Variants in DSCAM observed in about 807,000 individuals in gnomAD.
DSCAM encodes the protein DS cell adhesion molecule, also known as cell adhesion molecule DSCAM.
Under a neutral mutation model 217.7 loss-of-function variants are expected in DSCAM, and 47 were observed. The ratio of observed to expected loss-of-function variants is 0.22; its 90% CI spans 0.17 to 0.28. The LOEUF is 0.28. Among genes scored for constraint, DSCAM ranks in the 10% least tolerant of loss-of-function variants. DSCAM has a pLI of 1.00. For synonymous variants in DSCAM, 1,056 were observed against 1,015.3 expected (o/e 1.04, Z -0.76); for missense variants, 2,080 against 2,618.3 (o/e 0.79, Z 4.49).
At chr21:40,157,452 G>C (rs1309251120) in intron 16 of DSCAM, among the ~76,000 whole-genome samples, 1 of 152,202 alleles carries the variant, frequency 6.6e-6, no homozygotes, top group Admixed American at 6.5e-5. Context: ...TAAGAAAGGA[G>C]CATTGGAGAA....
chr21:40,588,990 G>A (rs1331743325), intron 3 of DSCAM, among the ~76,000 whole-genome samples: 1 of 152,170 alleles, frequency 6.6e-6, no homozygotes, highest in Non-Finnish European at 1.5e-5. Flanking sequence ...AACTGTATGT[G>A]TATGAAAAAA....
intron 10 of DSCAM, among the ~76,000 whole-genome samples, chr21:40,280,919 T>G: frequency 6.6e-6 from 1 of 152,066 alleles, no homozygotes; most frequent in Non-Finnish European, 1.5e-5. Flanking sequence ...GAACTGGGAG[T>G]TGGTCTTCAG....
At chr21:40,152,070 T>A (rs2090428196) in intron 16 of DSCAM, among the ~76,000 whole-genome samples, 1 of 151,568 alleles carries the variant, frequency 6.6e-6, no homozygotes, top group Non-Finnish European at 1.5e-5. Flanking sequence ...TGGTAACCAG[T>A]CATCTTAAGA....
chr21:40,621,940 G>GA (rs5844026), intron 3 of DSCAM, among the ~76,000 whole-genome samples: 126,369 of 140,422 alleles, frequency 0.9, 56,898 homozygotes, highest in East Asian at 0.94. Context: ...AAGGAAGGAA[G>GA]AAAAAAGAAA....
chr21:40,781,179 T>C (rs2091541075), intron 1 of DSCAM, among the ~76,000 whole-genome samples: 2 of 151,976 alleles, frequency 1.3e-5, no homozygotes, highest in African/African-American at 2.4e-5. Context: ...CGGGTAATTT[T>C]TTAACATCTC....
chr21:40,483,635 G>A (rs1457647007), intron 3 of DSCAM, among the ~76,000 whole-genome samples: 1 of 152,044 alleles, frequency 6.6e-6, no homozygotes, highest in African/African-American at 2.4e-5. Flanking sequence ...AATTTCTTAA[G>A]CTGTTTGTTG....
At position 40,078,669 on chromosome 21, in the gene DSCAM, C is replaced by T. The variant is rs1347453464; in HGVS notation, c.4711+18G>A. On this transcript the variant is annotated intron_variant, in intron 26 of 32. Transcript: ENST00000400454. ...CCCCAAGACACAAGCAGGAGAGCCACAAAGCCAGCCAGCTTACTGCCATCG... is the reference window on the plus strand; with the variant it reads ...CCCCAAGACACAAGCAGGAGAGCCATAAAGCCAGCCAGCTTACTGCCATCG... 1.2e-6 allele frequency: 2 copies of T among 1,605,204 alleles called. No individual in the cohort carries two copies. Among genetic ancestry groups the T allele is most frequent in the South Asian group, 1.1e-5 (1 of 89,998 alleles).
At chr21:40,042,860 C>T (rs1166303997) in intron 31 of DSCAM, among the ~76,000 whole-genome samples, 187 bp from the exon 32 acceptor site, 1 of 152,176 alleles carries the variant, frequency 6.6e-6, no homozygotes, top group Non-Finnish European at 1.5e-5. Flanking sequence ...CTCAGCAGAT[C>T]CGGTTAAGGG....
rs576271655 is a variant in DSCAM at position 40,181,227 on chromosome 21, A to G, written c.2780-2133T>C. 5.9e-3 allele frequency among the ~76,000 whole-genome samples: 829 copies of G among 140,590 alleles called. 12 individuals are homozygous for G. The highest frequency in any genetic ancestry group is 0.021 in the African/African-American group (790 of 37,358). The allele number at this position is 140,590 out of a possible 152,430, so 92.2% of individuals were successfully genotyped here. A position where few individuals can be genotyped will look rare whatever the true frequency, so the allele number is the denominator to read the frequency against. On this transcript the variant is annotated intron_variant, in intron 14 of 32. Coordinates refer to ENST00000400454, the MANE Select transcript of DSCAM (RefSeq NM_001389.5). Reference sequence around the variant, plus strand: ...TGGTGCATTCTTCCTAGTTATATTTATATCTCAATTTTCAGTTTCCTCCTC... The same window carrying G: ...TGGTGCATTCTTCCTAGTTATATTTGTATCTCAATTTTCAGTTTCCTCCTC...
At chr21:40,263,492 T>C (rs893828364) in intron 11 of DSCAM, among the ~76,000 whole-genome samples, 5 of 152,150 alleles carry the variant, frequency 3.3e-5, no homozygotes, top group Non-Finnish European at 7.3e-5. Context: ...AGATGGAAAT[T>C]TAAATTTTTT....
Position 40,142,412 on chromosome 21 carries a change from G to A in DSCAM, c.3406+146C>T. 3 of 866,962 alleles carry A rather than the reference G, an allele frequency of 3.5e-6. 1 individual carries two copies. Among genetic ancestry groups the A allele is most frequent in the Non-Finnish European group, 5.1e-6 (3 of 588,486 alleles). The allele number at this position is 866,962 out of a possible 1,614,324, so 53.7% of individuals were successfully genotyped here. On this transcript the variant is annotated intron_variant, in intron 18 of 32. Transcript: ENST00000400454. ...AAAGAGACCTGTTCAAATGTCAGATGAGGGATGACAGAAAAGGGGAAAGTG... is the reference window on the plus strand; with the variant it reads ...AAAGAGACCTGTTCAAATGTCAGATAAGGGATGACAGAAAAGGGGAAAGTG...
At chr21:40,743,315 A>C (rs1377446034) in intron 1 of DSCAM, among the ~76,000 whole-genome samples, 1 of 152,214 alleles carries the variant, frequency 6.6e-6, no homozygotes, top group Non-Finnish European at 1.5e-5. Flanking sequence ...CATCTTGCCC[A>C]AAATAAATTG....
intron 19 of DSCAM, among the ~76,000 whole-genome samples, chr21:40,130,444 T>C (rs1438315622): frequency 6.6e-6 from 1 of 152,128 alleles, no homozygotes; most frequent in East Asian, 1.9e-4. Context: ...CCCCAAAAAA[T>C]ATGTCCATGC....
At chr21:40,621,105 C>A (rs1376996998) in intron 3 of DSCAM, 1 of 152,086 alleles carries the variant, frequency 6.6e-6, no homozygotes, top group Non-Finnish European at 1.5e-5. Flanking sequence ...AAAAGGGGCA[C>A]CAGGAAAGTT....
intron 5 of DSCAM, among the ~76,000 whole-genome samples, chr21:40,352,638 T>C (rs1030172156): frequency 6.6e-6 from 1 of 152,168 alleles, no homozygotes. Context: ...GTGGTTAAAT[T>C]TGTTCAATTT....
chr21:40,135,368 A>G (rs1460840666), intron 18 of DSCAM, among the ~76,000 whole-genome samples: 7 of 152,244 alleles, frequency 4.6e-5, no homozygotes, highest in Admixed American at 4.6e-4. Context: ...ATGCTATTCT[A>G]AGTACAGATA....
intron 11 of DSCAM, among the ~76,000 whole-genome samples, chr21:40,240,168 G>C (rs1036565171): frequency 6.6e-6 from 1 of 152,070 alleles, no homozygotes; most frequent in African/African-American, 2.4e-5. Flanking sequence ...GGGCAGCACC[G>C]ATCTATACAA....
intron 3 of DSCAM, among the ~76,000 whole-genome samples, chr21:40,672,860 T>C (rs1485061991): frequency 1.3e-5 from 2 of 152,210 alleles, no homozygotes; most frequent in East Asian, 1.9e-4. Context: ...ACATCTGTCC[T>C]TTTTTTCTCT....
At chr21:40,733,168 G>A (rs968817260) in intron 1 of DSCAM, among the ~76,000 whole-genome samples, 42 of 152,322 alleles carry the variant, frequency 2.8e-4, no homozygotes, top group African/African-American at 9.1e-4. Flanking sequence ...TGCTGCACTC[G>A]TAAATAACCC....
Sources: allele counts gnomAD v4.1 joint callset (sites outside exome capture counted in the v4.1 genomes callset), GRCh38; gene constraint gnomAD v4.1.1; transcripts MANE v1.5; gene names NCBI Gene and HGNC (gene_info 2026-07-23, HGNC 2026-07-21).